CDH12: variants seen among roughly 807,000 people sequenced by gnomAD.
CDH12 encodes cadherin 12.
CDH12 carries 41 observed loss-of-function variants against 74.1 expected under a neutral mutation model. The observed-to-expected ratio is 0.55, with a 90% CI of 0.43 to 0.72. The LOEUF (loss-of-function observed/expected upper bound fraction) is 0.72. Ranked by LOEUF, CDH12 falls within the 30% of genes least tolerant of loss-of-function variation. The pLI is 0.00. For synonymous variants in CDH12, 399 were observed against 355.0 expected, an observed-to-expected ratio of 1.12 and a Z score of -1.39; for missense variants, 945 against 977.2, an observed-to-expected ratio of 0.97 and a Z score of 0.44.
intron 3 of CDH12, among the ~76,000 whole-genome samples, chr5:22,349,634 A>G (rs1231861784): frequency 1.3e-5 from 2 of 152,118 alleles, no homozygotes; most frequent in South Asian, 4.2e-4. Flanking sequence ...CAATCAATCA[A>G]TCTTAAGATT....
intron 6 of CDH12, chr5:21,889,519 C>G (rs1355800271): frequency 1.3e-5 from 11 of 852,306 alleles, no homozygotes; most frequent in Non-Finnish European, 1.6e-5. Context: ...TATTACCAAT[C>G]CAATGTTCTG....
At chr5:21,791,633 T>A (rs1026548335) in intron 10 of CDH12, among the ~76,000 whole-genome samples, 1 of 151,630 alleles carries the variant, frequency 6.6e-6, no homozygotes, top group Non-Finnish European at 1.5e-5. Flanking sequence ...ATAATCTGTA[T>A]ATAATAAAAT....
At chr5:22,296,423 G>A (rs1737626456) in intron 3 of CDH12, among the ~76,000 whole-genome samples, 1 of 152,016 alleles carries the variant, frequency 6.6e-6, no homozygotes, top group Non-Finnish European at 1.5e-5. Context: ...ACTGGGAATG[G>A]TATTTTGTAT....
intron 1 of CDH12, among the ~76,000 whole-genome samples, chr5:22,789,591 C>G (rs777479692): frequency 2.0e-5 from 3 of 151,972 alleles, no homozygotes; most frequent in Non-Finnish European, 4.4e-5. Context: ...TAATATATTT[C>G]TCATAAAAGT....
intron 1 of CDH12, among the ~76,000 whole-genome samples, chr5:22,777,276 G>A (rs917102741): frequency 3.3e-5 from 5 of 152,062 alleles, no homozygotes; most frequent in African/African-American, 9.7e-5. Flanking sequence ...AATCTTCATT[G>A]CATTACACTT....
At chr5:22,797,725 C>A (rs1748300821) in intron 1 of CDH12, among the ~76,000 whole-genome samples, 1 of 151,916 alleles carries the variant, frequency 6.6e-6, no homozygotes, top group Non-Finnish European at 1.5e-5. Flanking sequence ...TACTATTTTA[C>A]CTCATTTAAA....
intron 3 of CDH12, among the ~76,000 whole-genome samples, chr5:22,252,794 A>T (rs1326795446): frequency 6.6e-6 from 1 of 151,900 alleles, no homozygotes; most frequent in Non-Finnish European, 1.5e-5. Context: ...CCGATCTATG[A>T]AGCCTTAGCT....
chr5:22,759,610 G>T (rs554236878), intron 1 of CDH12, among the ~76,000 whole-genome samples: 3 of 152,170 alleles, frequency 2.0e-5, no homozygotes, highest in Admixed American at 6.5e-5. Flanking sequence ...TGCATGGCTC[G>T]AGTTAAAACT....
intron 5 of CDH12, among the ~76,000 whole-genome samples, chr5:21,988,112 G>A (rs1195979121): frequency 1.3e-5 from 2 of 152,124 alleles, no homozygotes; most frequent in Non-Finnish European, 2.9e-5. Flanking sequence ...TCCAAACGTA[G>A]TAGTGAAAAC....
intron 1 of CDH12, among the ~76,000 whole-genome samples, chr5:22,697,925 G>A (rs1441045076): frequency 1.3e-5 from 2 of 152,036 alleles, no homozygotes; most frequent in Non-Finnish European, 2.9e-5. Context: ...GCCAGGAAGA[G>A]AGACATCACC....
At chr5:22,019,315 CATG>C (rs970715791) in intron 5 of CDH12, among the ~76,000 whole-genome samples, 3 of 152,056 alleles carry the variant, frequency 2.0e-5, no homozygotes, top group African/African-American at 7.2e-5. Flanking sequence ...AATTTTTAGG[CATG>C]ATTTTTTTTC....
rs114207397 is a variant in CDH12, at chr5:22,669,962, C to T, written c.-522-164598G>A. On this transcript the variant is annotated intron_variant, in intron 1 of 14. Coordinates refer to ENST00000382254, the MANE Select transcript of CDH12 (RefSeq NM_004061.5). ...ATATCACTTCCATAATATTTTCATG[C>T]ATTGATTTTCACTCTTAATTAAGCC... Among the ~76,000 whole-genome samples the T allele has an allele frequency of 5.7e-3, 866 of 152,218 alleles. 4 individuals carry two copies. The highest frequency in any genetic ancestry group is 9.7e-3 in the Non-Finnish European group (658 of 68,008).
At chr5:22,559,224 G>A (rs1369899688) in intron 1 of CDH12, among the ~76,000 whole-genome samples, 1 of 151,970 alleles carries the variant, frequency 6.6e-6, no homozygotes, top group Non-Finnish European at 1.5e-5. Context: ...CCACTAGCTA[G>A]GCTGGTTGTA....
At chr5:21,815,031 T>A (rs1432882965) in intron 9 of CDH12, among the ~76,000 whole-genome samples, 1 of 152,046 alleles carries the variant, frequency 6.6e-6, no homozygotes, top group Non-Finnish European at 1.5e-5. Context: ...TAGAGTGGGA[T>A]CATGTGGGTT....
intron 1 of CDH12, among the ~76,000 whole-genome samples, chr5:22,835,274 G>A (rs952375921): frequency 6.6e-6 from 1 of 151,624 alleles, no homozygotes; most frequent in Non-Finnish European, 1.5e-5. Flanking sequence ...TCTTGTTCTC[G>A]ATTTGCAAAA....
intron 6 of CDH12, among the ~76,000 whole-genome samples, chr5:21,921,347 ATCT>A (rs1402213406): frequency 6.6e-6 from 1 of 152,226 alleles, no homozygotes; most frequent in Non-Finnish European, 1.5e-5. Flanking sequence ...ATGGTCCTGC[ATCT>A]TCTCCATCTG....
At chr5:22,378,883 T>C (rs1207189435) in intron 3 of CDH12, among the ~76,000 whole-genome samples, 1 of 152,138 alleles carries the variant, frequency 6.6e-6, no homozygotes, top group East Asian at 1.9e-4. Context: ...TATATGCCTA[T>C]GGCTTGATGA....
intron 4 of CDH12, among the ~76,000 whole-genome samples, chr5:22,116,260 T>C (rs1055213963): frequency 2.6e-5 from 4 of 152,090 alleles, no homozygotes; most frequent in Admixed American, 2.0e-4. Context: ...AGGCCATTGT[T>C]GGCTTGCAGA....
intron 1 of CDH12, among the ~76,000 whole-genome samples, chr5:22,778,124 T>G (rs1431159697): frequency 6.6e-6 from 1 of 152,140 alleles, no homozygotes. Flanking sequence ...ATTTTTTTGT[T>G]TATAAGTCTC....
Sources: gnomAD v4.1 joint callset for allele counts (sites outside exome capture counted in the v4.1 genomes callset) on GRCh38, gnomAD v4.1.1 for gene constraint, MANE v1.5 for transcripts, NCBI Gene and HGNC (gene_info 2026-07-23, HGNC 2026-07-21) for gene names.